C2orf68: variants seen among roughly 807,000 people sequenced by gnomAD.
C2orf68 encodes the protein chromosome 2 open reading frame 68.
In C2orf68, 15 loss-of-function variants were observed where a neutral mutation model predicts 19.1. That is an observed-to-expected ratio of 0.79 (90% CI 0.53 to 1.21). The LOEUF is 1.21. Ranked by LOEUF, C2orf68 falls within the 50% of genes most tolerant of loss-of-function variation. C2orf68 has a pLI of 0.00. For synonymous variants in C2orf68, 98 were observed against 91.0 expected (o/e 1.08, Z -0.44); for missense variants, 242 against 226.6 (o/e 1.07, Z -0.44).
At chr2:85,610,976 G>C (rs1673479782) in intron 2 of C2orf68, 1 of 153,522 alleles carries the variant, frequency 6.5e-6, no homozygotes, top group Non-Finnish European at 1.4e-5. Flanking sequence ...AGCCAGGATG[G>C]TCTCGATCTC....
Position 85,607,130 on chromosome 2 carries a change from A to G in C2orf68, c.*1815T>C, listed in dbSNP as rs1033807337. 1.3e-5 allele frequency: 2 copies of G among 152,170 alleles called. No individual in the cohort carries two copies. The highest frequency in any genetic ancestry group is 2.4e-5 in the African/African-American group (1 of 41,448). The allele number at this position is 152,170 out of a possible 1,614,324, so 9.4% of individuals were successfully genotyped here. ...CTCTTCTAGCCTTCTGAATTGTGTA[A>G]TAAAACCAGGAAACAGGTGATCCAG... On this transcript the variant is annotated 3_prime_UTR_variant, in exon 4 of 4. Coordinates refer to ENST00000306336, the MANE Select transcript of C2orf68 (RefSeq NM_001013649.4).
At position 85,605,631 on chromosome 2, in the gene C2orf68, G is replaced by C. The variant is rs1673185872; in HGVS notation, c.*3314C>G. ...CATGGTGACTCTCCCCAAAAATCTA[G>C]TGGTAGGAAAATAATCTGTACTTAT... On this transcript the variant is annotated 3_prime_UTR_variant, in exon 4 of 4. Coordinates refer to ENST00000306336, the MANE Select transcript of C2orf68 (RefSeq NM_001013649.4). Among the ~76,000 whole-genome samples, 1 of 152,194 alleles carries C rather than the reference G, an allele frequency of 6.6e-6. No homozygotes were observed. Among genetic ancestry groups the C allele is most frequent in the Non-Finnish European group, 1.5e-5 (1 of 68,036 alleles).
At chr2:85,609,790 C>T (rs1459202873) in intron 2 of C2orf68, among the ~76,000 whole-genome samples, 1 of 152,074 alleles carries the variant, frequency 6.6e-6, no homozygotes, top group African/African-American at 2.4e-5. Context: ...AAGCGATTCT[C>T]CTGCCTCAGC....
chr2:85,611,177 C>T, intron 2 of C2orf68: 2 of 1,012,272 alleles, frequency 2.0e-6, no homozygotes, highest in Non-Finnish European at 1.2e-6. Context: ...CATTGCACTC[C>T]AGCCTGGGCG....
In C2orf68 at chr2:85,611,791, G is replaced by A. The variant is rs1275858097; in HGVS notation, c.108-5C>T. ...ACCTTCTTGTCATAGTCGTCCCTGC[G>A]GGGAGCCGAGCGGGAGTCAGGGACT... On this transcript the variant is annotated splice_region_variant and splice_polypyrimidine_tract_variant and intron_variant, in intron 1 of 3. Transcript: ENST00000306336. 2.5e-6 allele frequency: 4 copies of A among 1,611,016 alleles called. No individual in the cohort carries two copies. The highest frequency in any genetic ancestry group is 3.4e-6 in the Non-Finnish European group (4 of 1,179,502).
rs535230604 is a variant in C2orf68 at position 85,605,840 on chromosome 2, T to C, written c.*3105A>G. On this transcript the variant is annotated 3_prime_UTR_variant, in exon 4 of 4. Transcript: ENST00000306336. ...TGCCCCTCAGAGTGCACCATGGAGA[T>C]GGAATGTCCCTTCCAGAGAGACTTT... Among the ~76,000 whole-genome samples the C allele has an allele frequency of 3.4e-4, 52 of 152,352 alleles. No individual in the cohort carries two copies. The highest frequency in any genetic ancestry group is 1.2e-3 in the African/African-American group (50 of 41,586).
chr2:85,609,674 A>T (rs772772553), intron 2 of C2orf68, 88 bp from the exon 3 acceptor site: 15 of 1,515,208 alleles, frequency 9.9e-6, no homozygotes, highest in Non-Finnish European at 1.3e-5. Context: ...ATATACGGTT[A>T]GGAAAGCCCC....
intron 2 of C2orf68, 40 bp from the exon 3 acceptor site, chr2:85,609,626 G>A (rs774591898): frequency 1.9e-6 from 3 of 1,611,202 alleles, no homozygotes; most frequent in Non-Finnish European, 2.5e-6. Flanking sequence ...GAGGGGGGGT[G>A]CTGCTGAAGG....
At chr2:85,609,364 G>A (rs1385440313) in intron 3 of C2orf68, 71 bp downstream of exon 3, 2 of 1,563,728 alleles carry the variant, frequency 1.3e-6, no homozygotes, top group Non-Finnish European at 1.7e-6. Context: ...GGAAAACAGG[G>A]CTCAGGGTCT....
In C2orf68 at chr2:85,605,854, CAG is replaced by C. The variant is rs1286823211; in HGVS notation, c.*3089_*3090del. On this transcript the variant is annotated 3_prime_UTR_variant, in exon 4 of 4. Coordinates refer to ENST00000306336, the MANE Select transcript of C2orf68 (RefSeq NM_001013649.4). The stretch of plus-strand genomic sequence containing the variant: ...CACCATGGAGATGGAATGTCCCTTC[CAG>C]AGAGACTTTTACACAGGGAAAAGCA... Among the ~76,000 whole-genome samples, 1 of 152,204 alleles carries C rather than the reference CAG, an allele frequency of 6.6e-6. No homozygotes were observed. Among genetic ancestry groups the C allele is most frequent in the African/African-American group, 2.4e-5 (1 of 41,446 alleles).
At chr2:85,611,510 T>A (rs1289948930) in intron 2 of C2orf68, 158 bp downstream of exon 2, 10 of 1,550,888 alleles carry the variant, frequency 6.4e-6, no homozygotes, top group South Asian at 1.2e-5. Context: ...TTGGTGAGAA[T>A]CATTCAGCGG....
In C2orf68 at chr2:85,606,118, G is replaced by A. The variant is rs1673203072; in HGVS notation, c.*2827C>T. 6.6e-6 allele frequency among the ~76,000 whole-genome samples: 1 copy of A among 152,202 alleles called. No individual in the cohort carries two copies. Among genetic ancestry groups the A allele is most frequent in the Non-Finnish European group, 1.5e-5 (1 of 68,056 alleles). ...AAATACAGGCTTAAATTCAGCAAGC[G>A]AAGAACATTCCATATTGAATGGGCA... is the stretch of plus-strand genomic sequence containing the variant. On this transcript the variant is annotated 3_prime_UTR_variant, in exon 4 of 4. Transcript: ENST00000306336.
chr2:85,609,128 C>G (rs1673341161), intron 3 of C2orf68, 61 bp from the exon 4 acceptor site: 1 of 1,595,920 alleles, frequency 6.3e-7, no homozygotes, highest in Admixed American at 1.7e-5. Flanking sequence ...GTGACCTGCC[C>G]TGTCCCTAAA....
intron 2 of C2orf68, chr2:85,610,465 G>A (rs550015878): frequency 6.6e-6 from 1 of 152,234 alleles, no homozygotes; most frequent in African/African-American, 2.4e-5. Flanking sequence ...ATAGAGCTCT[G>A]CCTGGGTTCA....
chr2:85,606,279 C>T lies in C2orf68; in HGVS notation c.*2666G>A, dbSNP rs1261720903. Among the ~76,000 whole-genome samples, 1 of 152,204 alleles carries T rather than the reference C, an allele frequency of 6.6e-6. No homozygotes were observed. The highest frequency in any genetic ancestry group is 1.5e-5 in the Non-Finnish European group (1 of 68,040). On this transcript the variant is annotated 3_prime_UTR_variant, in exon 4 of 4. Coordinates refer to ENST00000306336, the MANE Select transcript of C2orf68 (RefSeq NM_001013649.4). ...TTAGTCTAATGCTGTTGCCACTGTA[C>T]GCCACAGCACCGGACAGTGTTCTTT...
At position 85,607,984 on chromosome 2, in the gene C2orf68, A is replaced by C. The variant is rs1335963965; in HGVS notation, c.*961T>G. ...ATTTCATTCCCTCTGGCGTGCTGTC[A>C]ATCAGGCAATTATTGCTAATATTGA... On this transcript the variant is annotated 3_prime_UTR_variant, in exon 4 of 4. Coordinates refer to ENST00000306336, the MANE Select transcript of C2orf68 (RefSeq NM_001013649.4). The C allele has an allele frequency of 6.6e-6, 1 of 152,270 alleles. No homozygotes were observed. Among genetic ancestry groups the C allele is most frequent in the Non-Finnish European group, 1.5e-5 (1 of 68,054 alleles). The allele number at this position is 152,270 out of a possible 1,614,324, so 9.4% of individuals were successfully genotyped here.
chr2:85,609,388 A>T, intron 3 of C2orf68, 47 bp downstream of exon 3: 3 of 1,600,272 alleles, frequency 1.9e-6, no homozygotes, highest in Non-Finnish European at 2.6e-6. Context: ...AATGATTACT[A>T]CCATGGCCCA....
chr2:85,608,726 A>G lies in C2orf68; in HGVS notation c.*219T>C. 1 of 315,066 alleles carries G rather than the reference A, an allele frequency of 3.2e-6. No homozygotes were observed. The highest frequency in any genetic ancestry group is 6.0e-5 in the East Asian group (1 of 16,632). 19.5% of individuals were successfully genotyped at this position (315,066 alleles called of 1,614,324 possible). A position where few individuals can be genotyped will look rare whatever the true frequency, so the allele number is the denominator to read the frequency against. On this transcript the variant is annotated 3_prime_UTR_variant, in exon 4 of 4. Transcript: ENST00000306336. ...CAAAAAAAAAAAAAAAAAAAAAAAA[A>G]AAAGAATTCCAGAATATCAGGCTGG...
chr2:85,606,449 G>A lies in C2orf68; in HGVS notation c.*2496C>T, dbSNP rs1434992100. Among the ~76,000 whole-genome samples the A allele has an allele frequency of 6.6e-6, 1 of 152,212 alleles. No homozygotes were observed. Among genetic ancestry groups the A allele is most frequent in the Non-Finnish European group, 1.5e-5 (1 of 68,040 alleles). The stretch of plus-strand genomic sequence containing the variant: ...CAGCTGAGGGGTGGCAGTAAGCAAT[G>A]AGGATGGGCTATAAAGCTGTTAACT... On this transcript the variant is annotated 3_prime_UTR_variant, in exon 4 of 4. Transcript: ENST00000306336.
Sources: gnomAD v4.1 joint callset for allele counts (sites outside exome capture counted in the v4.1 genomes callset) on GRCh38, gnomAD v4.1.1 for gene constraint, MANE v1.5 for transcripts, NCBI Gene and HGNC (gene_info 2026-07-23, HGNC 2026-07-21) for gene names.